The following IGSF11 variants were observed in gnomAD, a reference collection of about 807,000 sequenced individuals.
IGSF11 encodes CXADR like 1.
Under a neutral mutation model 41.0 loss-of-function variants are expected in IGSF11, and 22 were observed. The ratio of observed to expected loss-of-function variants is 0.54; its 90% CI spans 0.38 to 0.77. The LOEUF (loss-of-function observed/expected upper bound fraction) is 0.77. Among genes scored for constraint, IGSF11 ranks in the 30% least tolerant of loss-of-function variants. The pLI, the probability that IGSF11 is intolerant of heterozygous loss-of-function variation, is 0.00. For synonymous variants in IGSF11, 219 were observed against 201.3 expected (o/e 1.09, Z -0.74); for missense variants, 444 against 530.8 (o/e 0.84, Z 1.61).
chr3:119,064,996 T>G (rs966201636), intron 1 of IGSF11, among the ~76,000 whole-genome samples: 1 of 152,192 alleles, frequency 6.6e-6, no homozygotes, highest in African/African-American at 2.4e-5. Flanking sequence ...CTTTATTCAC[T>G]TATTTTTCTT....
At chr3:119,046,367 T>A (rs1228434246) in intron 1 of IGSF11, among the ~76,000 whole-genome samples, 1 of 152,058 alleles carries the variant, frequency 6.6e-6, no homozygotes, top group Non-Finnish European at 1.5e-5. Context: ...CAGGAGCTGA[T>A]GCAATCAACT....
In IGSF11 at chr3:118,904,802, C is replaced by T. The variant is rs753469035; in HGVS notation, c.704-4G>A. The T allele has an allele frequency of 6.3e-7, 1 of 1,584,068 alleles. No homozygotes were observed. Among genetic ancestry groups the T allele is most frequent in the Admixed American group, 1.9e-5 (1 of 53,390 alleles). On this transcript the variant is annotated splice_polypyrimidine_tract_variant and splice_region_variant and intron_variant, in intron 5 of 6. Transcript: ENST00000393775. ...AGTCCAATGTTCCTGGGCTGGGCTG[C>T]AAAATATATTTAAGATATATTTAAA...
At chr3:118,905,779 T>C in intron 4 of IGSF11, 61 bp from the exon 5 acceptor site, 1 of 1,591,334 alleles carries the variant, frequency 6.3e-7, no homozygotes, top group Non-Finnish European at 8.6e-7. Context: ...ACCAAAGAAA[T>C]CAGCGGAAGA....
chr3:119,106,551 G>T (rs192770909), upstream of IGSF11, among the ~76,000 whole-genome samples: 69 of 152,094 alleles, frequency 4.5e-4, no homozygotes, highest in African/African-American at 1.5e-3. Flanking sequence ...CTTTTTTATG[G>T]CTGAATAGTA....
intron 1 of IGSF11, among the ~76,000 whole-genome samples, chr3:119,080,610 A>C (rs1484535793): frequency 6.6e-6 from 1 of 152,152 alleles, no homozygotes; most frequent in Non-Finnish European, 1.5e-5. Flanking sequence ...AATTATGGAG[A>C]TGTGAAGTTG....
chr3:119,122,741 G>C (rs1183973360), intron 1 of IGSF11, among the ~76,000 whole-genome samples: 2 of 152,170 alleles, frequency 1.3e-5, no homozygotes, highest in African/African-American at 4.8e-5. Flanking sequence ...CTAGCTCTCA[G>C]ACATTTCTAG....
At chr3:118,927,549 A>G (rs907564099) in intron 3 of IGSF11, among the ~76,000 whole-genome samples, 7 of 152,208 alleles carry the variant, frequency 4.6e-5, no homozygotes, top group African/African-American at 1.7e-4. Flanking sequence ...GCTGGGAGAA[A>G]AAGGCACCAA....
intron 1 of IGSF11, among the ~76,000 whole-genome samples, chr3:119,077,288 G>A (rs2076516612): frequency 6.6e-6 from 1 of 151,992 alleles, no homozygotes. Flanking sequence ...GAAGGGGGGA[G>A]GGAAAGCATT....
chr3:118,972,425 T>C (rs771626951), intron 1 of IGSF11, among the ~76,000 whole-genome samples: 88 of 152,262 alleles, frequency 5.8e-4, no homozygotes, highest in Non-Finnish European at 9.4e-4. Flanking sequence ...ATACTTATTA[T>C]GCTTCATGTC....
intron 1 of IGSF11, among the ~76,000 whole-genome samples, chr3:119,144,471 T>G (rs1360131635): frequency 3.9e-5 from 6 of 152,090 alleles, no homozygotes; most frequent in Admixed American, 1.3e-4. Context: ...CACAGCAGAA[T>G]GAAGCTAGAA....
intron 1 of IGSF11, among the ~76,000 whole-genome samples, chr3:119,043,218 C>G (rs61681334): frequency 6.6e-6 from 1 of 152,170 alleles, no homozygotes; most frequent in East Asian, 1.9e-4. Flanking sequence ...TGGGAGGGGA[C>G]TCAAAGGGGG....
intron 1 of IGSF11, among the ~76,000 whole-genome samples, chr3:119,138,172 A>G (rs1192148710): frequency 6.6e-6 from 1 of 151,974 alleles, no homozygotes; most frequent in Non-Finnish European, 1.5e-5. Flanking sequence ...AAAAAAAAAA[A>G]AAACTAAAAA....
At chr3:118,924,059 T>G (rs28573387) in intron 4 of IGSF11, among the ~76,000 whole-genome samples, 11,685 of 152,188 alleles carry the variant, frequency 0.077, 631 homozygotes, top group Admixed American at 0.16. Flanking sequence ...CATGATTCCT[T>G]GTATACACAT....
At chr3:118,998,616 A>G (rs940887445) in intron 1 of IGSF11, among the ~76,000 whole-genome samples, 1 of 152,104 alleles carries the variant, frequency 6.6e-6, no homozygotes, top group South Asian at 2.1e-4. Context: ...AATTTCAAAT[A>G]TGTCATATTT....
chr3:118,940,346 G>C (rs1943590162), intron 1 of IGSF11, among the ~76,000 whole-genome samples: 1 of 152,010 alleles, frequency 6.6e-6, no homozygotes, highest in African/African-American at 2.4e-5. Flanking sequence ...CAGAAATCAA[G>C]GCTAATATAC....
In IGSF11 at chr3:118,913,121, C is replaced by A. The variant is rs559648672; in HGVS notation, c.581-7403G>T. Among the ~76,000 whole-genome samples, 682 of 149,902 alleles carry A rather than the reference C, an allele frequency of 4.5e-3. 4 individuals carry two copies. The highest frequency in any genetic ancestry group is 0.014 in the African/African-American group (589 of 40,862). On this transcript the variant is annotated intron_variant, in intron 4 of 6. Coordinates refer to ENST00000393775, the MANE Select transcript of IGSF11 (RefSeq NM_001015887.3). ...ATAAAAAACAAAAACAAAAAAAAAACCAGAATGCCACACAGAAAGGTAAAG... is the reference window on the plus strand; with the variant it reads ...ATAAAAAACAAAAACAAAAAAAAAAACAGAATGCCACACAGAAAGGTAAAG...
chr3:119,081,360 C>A (rs967424068), intron 1 of IGSF11, among the ~76,000 whole-genome samples: 8 of 151,918 alleles, frequency 5.3e-5, no homozygotes, highest in Non-Finnish European at 1.0e-4. Flanking sequence ...ATCCTTTTTC[C>A]CATTCTATTT....
At chr3:119,062,564 A>G (rs1247859157) in intron 1 of IGSF11, among the ~76,000 whole-genome samples, 1 of 152,188 alleles carries the variant, frequency 6.6e-6, no homozygotes, top group East Asian at 1.9e-4. Context: ...GAGGTTCTAA[A>G]ATGATTGGGG....
chr3:119,029,493 T>C (rs532643216), intron 1 of IGSF11, among the ~76,000 whole-genome samples: 6 of 152,244 alleles, frequency 3.9e-5, no homozygotes, highest in East Asian at 1.9e-4. Flanking sequence ...ATCCTTGAAA[T>C]GGGTAGAGCT....
Sources: allele counts gnomAD v4.1 joint callset (sites outside exome capture counted in the v4.1 genomes callset), GRCh38; gene constraint gnomAD v4.1.1; transcripts MANE v1.5; gene names NCBI Gene and HGNC (gene_info 2026-07-23, HGNC 2026-07-21).